The following SIRT1 variants were observed in gnomAD, a reference collection of about 807,000 sequenced individuals.
SIRT1 encodes NAD-dependent protein deacetylase sirtuin-1.
A neutral mutation model predicts 67.9 loss-of-function variants in SIRT1; 24 were observed. The ratio of observed to expected loss-of-function variants is 0.35; its 90% CI spans 0.26 to 0.50. The LOEUF is 0.50. SIRT1 is among the 20% of genes least tolerant of loss of function. The pLI, the probability that SIRT1 is intolerant of heterozygous loss-of-function variation, is 0.98. For missense variants in SIRT1, 873 were observed against 937.2 expected (o/e 0.93, Z 0.89); for synonymous variants, 378 against 350.7 (o/e 1.08, Z -0.87).
Position 67,912,694 on chromosome 10 carries a change from G to A in SIRT1, c.1578G>A (p.Glu526=), listed in dbSNP as rs1842918207. 1 of 1,614,112 alleles carries A rather than the reference G, an allele frequency of 6.2e-7. No individual in the cohort carries two copies. Among genetic ancestry groups the A allele is most frequent in the African/African-American group, 1.3e-5 (1 of 75,014 alleles). Residue 526 remains glutamate (E), a synonymous_variant, in exon 8 of 9, where the codon GAG becomes GAA. Coordinates refer to ENST00000212015, the MANE Select transcript of SIRT1 (RefSeq NM_012238.5). The part of the protein sequence containing the change: ...RTQKELAYLS[E]LPPTPLHVSE... ...AAAAAGAATTGGCTTATTTGTCAGA[G>A]TTGCCACCCACACCTCTTCATGTTT...
intron 4 of SIRT1, among the ~76,000 whole-genome samples, chr10:67,897,802 C>G (rs1842681286): frequency 6.6e-6 from 1 of 151,976 alleles, no homozygotes; most frequent in African/African-American, 2.4e-5. Context: ...CCAGCCTGCA[C>G]TGTGTTCTTA....
rs137987181 is a variant in SIRT1, at chr10:67,893,948, A to G, written c.942+2394A>G. 2.0e-5 allele frequency among the ~76,000 whole-genome samples: 3 copies of G among 152,318 alleles called. No individual in the cohort carries two copies. The East Asian group carries it at 5.8e-4, about 29-fold the overall frequency. The stretch of plus-strand genomic sequence containing the variant: ...GAGAAGCTTTGCTAATTCAGAATAA[A>G]TTATGTTACTTAAATTGGCGACTGT... On this transcript the variant is annotated intron_variant, in intron 4 of 8. Transcript: ENST00000212015.
Position 67,887,534 on chromosome 10 carries a change from G to A in SIRT1, c.547+1G>A. 1 of 1,575,874 alleles carries A rather than the reference G, an allele frequency of 6.3e-7. No individual in the cohort carries two copies. The highest frequency in any genetic ancestry group is 8.7e-7 in the Non-Finnish European group (1 of 1,145,518). ...GACTGGACTCCAAGGCCACGGATAGGTATGGCTCAGAGCTGTTAATTTTAG... is the reference window on the plus strand; with the variant it reads ...GACTGGACTCCAAGGCCACGGATAGATATGGCTCAGAGCTGTTAATTTTAG... On this transcript the variant is annotated splice_donor_variant, in intron 2 of 8. Transcript: ENST00000212015. LOFTEE classifies it high-confidence loss of function.
chr10:67,909,660 C>T (rs34109886), intron 7 of SIRT1, among the ~76,000 whole-genome samples: 2,604 of 151,868 alleles, frequency 0.017, 30 homozygotes, highest in Non-Finnish European at 0.025. Flanking sequence ...CTGCAACCTC[C>T]GCCTCCCGGG....
At chr10:67,890,412 C>T (rs1279308984) in intron 3 of SIRT1, among the ~76,000 whole-genome samples, 2 of 151,964 alleles carry the variant, frequency 1.3e-5, no homozygotes, top group Non-Finnish European at 2.9e-5. Flanking sequence ...TAATAGAATC[C>T]TAACTAAAGG....
intron 7 of SIRT1, among the ~76,000 whole-genome samples, chr10:67,909,850 C>T (rs7073231): frequency 0.63 from 95,003 of 151,650 alleles, 30,582 homozygotes; most frequent in Non-Finnish European, 0.68. Context: ...GCTGGGATTA[C>T]AGGCATGAGC....
chr10:67,903,545 A>T (rs1236993278), intron 4 of SIRT1, among the ~76,000 whole-genome samples: 2 of 151,964 alleles, frequency 1.3e-5, no homozygotes, highest in African/African-American at 4.8e-5. Context: ...CACCATGCCC[A>T]GCTAATTTTT....
intron 6 of SIRT1, 42 bp downstream of exon 6, chr10:67,908,167 A>T (rs1842848851): frequency 1.3e-6 from 2 of 1,527,810 alleles, no homozygotes; most frequent in East Asian, 4.5e-5. Context: ...CATGTCTCTG[A>T]AGTATTTCTT....
Position 67,916,544 on chromosome 10 carries a change from C to G in SIRT1, c.2195C>G (p.Ser732Cys). The change falls in exon 9 of 9, where the codon TCT becomes TGT. Residue 732 changes from serine to cysteine, a missense_variant. Physicochemically the swap from Ser to Cys is moderately radical, Grantham distance 112. Coordinates refer to ENST00000212015, the MANE Select transcript of SIRT1 (RefSeq NM_012238.5). ...DDQEAINEAI[S>C]VKQEVTDMNY... is the part of the protein sequence containing the mutation. The stretch of plus-strand genomic sequence containing the variant: ...CAAGAGGCAATTAATGAAGCTATAT[C>G]TGTGAAACAGGAAGTAACAGACATG... 4 of 1,614,066 alleles carry G rather than the reference C, an allele frequency of 2.5e-6. No individual in the cohort carries two copies. Among genetic ancestry groups the G allele is most frequent in the Non-Finnish European group, 2.5e-6 (3 of 1,179,980 alleles).
At position 67,893,541 on chromosome 10, in the gene SIRT1, CTTT is replaced by C. The variant is rs537770097; in HGVS notation, c.942+2003_942+2005del. 1.3e-3 allele frequency among the ~76,000 whole-genome samples: 169 copies of C among 131,430 alleles called. 1 individual carries two copies. The highest frequency in any genetic ancestry group is 1.7e-3 in the Non-Finnish European group (102 of 61,286). 86.2% of individuals were successfully genotyped at this position (131,430 alleles called of 152,430 possible). ...TGAATCCAGAAGTTAATGAACCTAG[CTTT>C]TTTTTTTTTTTTTTTGGAGACGGAG... is the stretch of plus-strand genomic sequence containing the variant. On this transcript the variant is annotated intron_variant, in intron 4 of 8. Transcript: ENST00000212015.
chr10:67,900,083 C>A (rs35764099), intron 4 of SIRT1, among the ~76,000 whole-genome samples: 1 of 151,974 alleles, frequency 6.6e-6, no homozygotes, highest in Admixed American at 6.6e-5. Context: ...GACTCTATCT[C>A]AAAAATAAAT....
intron 4 of SIRT1, among the ~76,000 whole-genome samples, chr10:67,894,210 A>G (rs1021862333): frequency 6.6e-6 from 1 of 152,202 alleles, no homozygotes; most frequent in Non-Finnish European, 1.5e-5. Flanking sequence ...CTTGAATATG[A>G]TTACTAAACT....
In SIRT1 at chr10:67,912,534, A is replaced by G. The variant is rs1842915845; in HGVS notation, c.1418A>G (p.His473Arg). 6.2e-7 allele frequency: 1 copy of G among 1,613,916 alleles called. No homozygotes were observed. Among genetic ancestry groups the G allele is most frequent in the African/African-American group, 1.3e-5 (1 of 74,884 alleles). Reference sequence around the variant, plus strand: ...AATAGAGAACCTTTGCCTCATCTGCATTTTGATGTAGAGCTTCTTGGAGAC... The same window carrying G: ...AATAGAGAACCTTTGCCTCATCTGCGTTTTGATGTAGAGCTTCTTGGAGAC... The part of the protein sequence containing the change: ...LINREPLPHL[H>R]FDVELLGDCD... The change falls in exon 8 of 9, where the codon CAT (histidine) becomes CGT (arginine). Residue 473 changes from histidine to arginine, a missense_variant. Physicochemically the swap from His to Arg is conservative, Grantham distance 29 (BLOSUM62 0). This residue lies in a region of SIRT1 where 251 missense variants were observed against 358.8 expected (regional missense o/e 0.70). Coordinates refer to ENST00000212015, the MANE Select transcript of SIRT1 (RefSeq NM_012238.5).
chr10:67,885,424 T>C (rs1377561311), intron 1 of SIRT1: 2 of 1,220,668 alleles, frequency 1.6e-6, no homozygotes, highest in Non-Finnish European at 2.0e-6. Flanking sequence ...GCAGTCGCTT[T>C]AAAATAAGTT....
chr10:67,891,334 AAGAG>A, intron 3 of SIRT1, 64 bp from the exon 4 acceptor site: 4 of 1,410,786 alleles, frequency 2.8e-6, no homozygotes, highest in Middle Eastern at 1.8e-4. Context: ...ATTATATGGT[AAGAG>A]AGCTAGCTAG....
At position 67,912,479 on chromosome 10, in the gene SIRT1, A is replaced by T. The variant is rs1200157325; in HGVS notation, c.1363A>T (p.Ile455Leu). ...TATTTTTCACCCTATTTTAGGTTCC[A>T]TACCCCATGAAGTGCCTCAGATATT... ...VRPVALIPSSIPHEVPQILIN... is the reference protein window; with the variant it reads ...VRPVALIPSSLPHEVPQILIN... The change falls in exon 8 of 9, where the codon ATA becomes TTA. Residue 455 changes from isoleucine (I) to leucine (L), a missense_variant. By Grantham distance (5) the Ile-to-Leu change is conservative (BLOSUM62 2). Coordinates refer to ENST00000212015, the MANE Select transcript of SIRT1 (RefSeq NM_012238.5). 2.5e-6 allele frequency: 4 copies of T among 1,603,832 alleles called. No homozygotes were observed. In the South Asian group the frequency reaches 3.4e-5, roughly 14 times the overall value.
chr10:67,910,475 A>G (rs1380239995), intron 7 of SIRT1, among the ~76,000 whole-genome samples: 2 of 152,212 alleles, frequency 1.3e-5, no homozygotes, highest in African/African-American at 2.4e-5. Flanking sequence ...TTTTGGTGGA[A>G]TGTGTTTTTA....
intron 4 of SIRT1, among the ~76,000 whole-genome samples, chr10:67,904,595 C>T (rs1842793286): frequency 6.6e-6 from 1 of 152,226 alleles, no homozygotes; most frequent in African/African-American, 2.4e-5. Flanking sequence ...CCTGTAATCC[C>T]AGCACTTTGT....
chr10:67,910,361 T>TG (rs1364863687), intron 7 of SIRT1, among the ~76,000 whole-genome samples: 1 of 151,900 alleles, frequency 6.6e-6, no homozygotes, highest in Non-Finnish European at 1.5e-5. Context: ...GGTGACAGAG[T>TG]GGGACTCTGT....
Sources: allele counts gnomAD v4.1 joint callset (sites outside exome capture counted in the v4.1 genomes callset), GRCh38; gene constraint gnomAD v4.1.1; regional missense constraint gnomAD v4.1.1; transcripts MANE v1.5; gene names NCBI Gene and HGNC (gene_info 2026-07-23, HGNC 2026-07-21).